The following NBAS variants were observed in gnomAD, a reference collection of about 807,000 sequenced individuals.
The protein encoded by NBAS is NBAS subunit of NRZ tethering complex.
Under a neutral mutation model 302.5 loss-of-function variants are expected in NBAS, and 219 were observed. The ratio of observed to expected loss-of-function variants is 0.72; its 90% confidence interval spans 0.65 to 0.81. NBAS has a LOEUF of 0.81. Among genes scored for constraint, NBAS ranks in the 30% least tolerant of loss-of-function variants. The probability of loss-of-function intolerance (pLI) is 0.00; values close to 1 mark genes in which losing one functional copy is unlikely to be tolerated. For missense variants in NBAS, 2,932 were observed against 2,841.6 expected, an observed-to-expected ratio of 1.03 and a Z score of -0.72; for synonymous variants, 1,118 against 1,021.6, an observed-to-expected ratio of 1.09 and a Z score of -1.80.
At chr2:14,935,488 T>C in the NBAS span, among the ~76,000 whole-genome samples, 1 of 152,230 alleles carries the variant, frequency 6.6e-6, no homozygotes, top group Non-Finnish European at 1.5e-5. Context: ...TTTTTTATGC[T>C]ATCAAATTTG....
At chr2:15,199,677 A>G (rs745646334) in intron 48 of NBAS, among the ~76,000 whole-genome samples, 78 of 152,250 alleles carry the variant, frequency 5.1e-4, no homozygotes, top group Non-Finnish European at 7.4e-4. Context: ...ATACAGAAAA[A>G]TGTTTATTAT....
At chr2:15,111,791 A>G in the NBAS span, among the ~76,000 whole-genome samples, 1 of 151,328 alleles carries the variant, frequency 6.6e-6, no homozygotes, top group African/African-American at 2.4e-5. Context: ...TAGTACATCT[A>G]CCTCTCATTA....
the NBAS span, among the ~76,000 whole-genome samples, chr2:14,895,900 T>C: frequency 6.6e-6 from 1 of 151,606 alleles, no homozygotes; most frequent in Non-Finnish European, 1.5e-5. Context: ...CTTGGTACAA[T>C]ATTAACTATT....
the NBAS span, among the ~76,000 whole-genome samples, chr2:14,937,377 G>C: frequency 6.6e-6 from 1 of 152,180 alleles, no homozygotes; most frequent in Non-Finnish European, 1.5e-5. Context: ...ACATGAAGCA[G>C]ATTTATTTTT....
intron 26 of NBAS, 67 bp downstream of exon 26, chr2:15,402,101 G>C (rs1204209044): frequency 4.5e-6 from 7 of 1,572,128 alleles, no homozygotes; most frequent in Non-Finnish European, 6.1e-6. Flanking sequence ...ATTTGGGGAA[G>C]CAACGTTTTT....
intron 38 of NBAS, 92 bp downstream of exon 38, chr2:15,327,658 C>A (rs1033942711): frequency 1.3e-6 from 2 of 1,484,346 alleles, no homozygotes; most frequent in African/African-American, 1.4e-5. Flanking sequence ...TGAAAAATTT[C>A]TTTTCCAAAC....
At chr2:15,387,083 A>ATTT (rs58841690) in intron 28 of NBAS, among the ~76,000 whole-genome samples, 3,773 of 147,400 alleles carry the variant, frequency 0.026, 137 homozygotes, top group African/African-American at 0.073. Flanking sequence ...TAAAGTATTA[A>ATTT]TTTTTTTTTT....
the NBAS span, among the ~76,000 whole-genome samples, chr2:14,884,731 A>T: frequency 6.6e-6 from 1 of 152,204 alleles, no homozygotes; most frequent in African/African-American, 2.4e-5. Flanking sequence ...AAAACAAATA[A>T]ACTCAAATAC....
At chr2:15,518,835 C>A (rs1662528212) in intron 9 of NBAS, among the ~76,000 whole-genome samples, 1 of 152,076 alleles carries the variant, frequency 6.6e-6, no homozygotes, top group African/African-American at 2.4e-5. Flanking sequence ...TGGCAGCAGG[C>A]AAAGAGAGCT....
At chr2:14,966,923 A>G in the NBAS span, among the ~76,000 whole-genome samples, 1 of 152,244 alleles carries the variant, frequency 6.6e-6, no homozygotes, top group Admixed American at 6.5e-5. Flanking sequence ...TAAAGCTACT[A>G]GAACTAATAA....
At chr2:15,327,049 CAATAAAAAGTAATAAGTAATAA>C (rs138218972) in intron 38 of NBAS, among the ~76,000 whole-genome samples, 40,595 of 151,762 alleles carry the variant, frequency 0.27, 5,915 homozygotes, top group East Asian at 0.55. Flanking sequence ...GCCAGTAATA[CAATAAAAAGTAATAAGTAATAA>C]AATAATAAGT....
intron 21 of NBAS, among the ~76,000 whole-genome samples, chr2:15,446,085 G>GAA (rs201875573): frequency 3.3e-4 from 47 of 141,354 alleles, no homozygotes; most frequent in Non-Finnish European, 5.9e-4. Flanking sequence ...AGGAGTCCCA[G>GAA]AAAAAAAAAA....
chr2:15,434,635 T>A (rs1267852184), intron 21 of NBAS, among the ~76,000 whole-genome samples: 4 of 152,250 alleles, frequency 2.6e-5, no homozygotes, highest in African/African-American at 9.6e-5. Context: ...TTTGATATGA[T>A]GTTCATATTT....
At chr2:15,519,791 G>C (rs1239713706) in intron 9 of NBAS, among the ~76,000 whole-genome samples, 1 of 152,154 alleles carries the variant, frequency 6.6e-6, no homozygotes, top group African/African-American at 2.4e-5. Flanking sequence ...TGATGCTGCT[G>C]GTCAGGGACC....
At chr2:14,874,865 T>C in the NBAS span, among the ~76,000 whole-genome samples, 1 of 152,064 alleles carries the variant, frequency 6.6e-6, no homozygotes, top group Non-Finnish European at 1.5e-5. Context: ...AAATAAATAA[T>C]ATCATTCACT....
intron 21 of NBAS, among the ~76,000 whole-genome samples, chr2:15,456,323 G>C (rs1167040926): frequency 1.3e-5 from 2 of 152,188 alleles, no homozygotes; most frequent in Non-Finnish European, 2.9e-5. Context: ...TCTGCCAGTG[G>C]GATCTCAAAA....
chr2:15,237,088 C>T (rs1667628905), intron 45 of NBAS, among the ~76,000 whole-genome samples: 1 of 152,100 alleles, frequency 6.6e-6, no homozygotes, highest in Admixed American at 6.5e-5. Context: ...TTAACGGCCA[C>T]TTACAAGGTT....
At chr2:14,801,465 T>C in the NBAS span, among the ~76,000 whole-genome samples, 2 of 152,300 alleles carry the variant, frequency 1.3e-5, no homozygotes, top group South Asian at 2.1e-4. Context: ...ATTTTCAATC[T>C]CAGATATTAT....
the NBAS span, among the ~76,000 whole-genome samples, chr2:15,041,170 G>C: frequency 6.6e-6 from 1 of 152,184 alleles, no homozygotes; most frequent in Non-Finnish European, 1.5e-5. Flanking sequence ...TGAGGAGAGA[G>C]CACATCTCAC....
Sources: gnomAD v4.1 joint callset for allele counts (sites outside exome capture counted in the v4.1 genomes callset) on GRCh38, gnomAD v4.1.1 for gene constraint, MANE v1.5 for transcripts, NCBI Gene and HGNC (gene_info 2026-07-23, HGNC 2026-07-21) for gene names.